Variants in GPHN observed in about 807,000 individuals in gnomAD.
The protein encoded by GPHN is gephyrin.
Under a neutral mutation model 95.5 loss-of-function variants are expected in GPHN, and 17 were observed. The observed-to-expected ratio is 0.18, with a 90% confidence interval of 0.12 to 0.27. The LOEUF (loss-of-function observed/expected upper bound fraction) is 0.27. GPHN is among the 10% of genes least tolerant of loss of function. GPHN has a pLI of 1.00. For missense variants in GPHN, 660 were observed against 978.1 expected, an observed-to-expected ratio of 0.67 and a Z score of 4.34; for synonymous variants, 320 against 322.5, an observed-to-expected ratio of 0.99 and a Z score of 0.08.
chr14:67,186,607 C>T (rs138253891), downstream of GPHN, among the ~76,000 whole-genome samples: 516 of 152,220 alleles, frequency 3.4e-3, 2 homozygotes, highest in African/African-American at 0.012. Context: ...GACGAGAGGG[C>T]GCTGCCCAGT....
chr14:67,208,561 A>C, the GPHN span: 2 of 1,135,090 alleles, frequency 1.8e-6, no homozygotes, highest in Non-Finnish European at 2.5e-6. Context: ...TCTCAGAGAC[A>C]GATGTAGTGT....
intron 9 of GPHN, among the ~76,000 whole-genome samples, chr14:67,001,858 T>C (rs1263440886): frequency 6.6e-6 from 1 of 151,706 alleles, no homozygotes; most frequent in Non-Finnish European, 1.5e-5. Context: ...CCAATCCTAG[T>C]GTAATTTTTA....
At chr14:67,379,573 A>G in the GPHN span, among the ~76,000 whole-genome samples, 4 of 152,084 alleles carry the variant, frequency 2.6e-5, no homozygotes, top group Non-Finnish European at 5.9e-5. Flanking sequence ...TTTATTCCCA[A>G]TAAGACCCCT....
chr14:67,332,955 G>A, the GPHN span: 7 of 1,601,896 alleles, frequency 4.4e-6, no homozygotes, highest in Non-Finnish European at 6.0e-6. Context: ...TGGCTGAGGT[G>A]AAAGAAACAT....
intron 9 of GPHN, among the ~76,000 whole-genome samples, chr14:66,988,083 T>C (rs2071144506): frequency 1.3e-5 from 2 of 151,920 alleles, no homozygotes; most frequent in African/African-American, 4.8e-5. Flanking sequence ...TGGTTTGTCC[T>C]CTCATCTCCA....
intron 12 of GPHN, among the ~76,000 whole-genome samples, chr14:67,100,139 T>C (rs2077616507): frequency 6.6e-6 from 1 of 152,222 alleles, no homozygotes; most frequent in South Asian, 2.1e-4. Context: ...GTACTGCCTA[T>C]GTATTCTAAC....
intron 3 of GPHN, among the ~76,000 whole-genome samples, chr14:66,815,507 A>C (rs1171188974): frequency 6.6e-6 from 1 of 152,204 alleles, no homozygotes; most frequent in Non-Finnish European, 1.5e-5. Context: ...CTGGGGCCCA[A>C]TATTCAGTAT....
At chr14:66,882,763 T>C (rs2063989775) in intron 5 of GPHN, among the ~76,000 whole-genome samples, 1 of 151,698 alleles carries the variant, frequency 6.6e-6, no homozygotes, top group Non-Finnish European at 1.5e-5. Context: ...GTAGCTTTTC[T>C]TCATTAGGAA....
chr14:67,401,145 G>A, the GPHN span, among the ~76,000 whole-genome samples: 1 of 152,042 alleles, frequency 6.6e-6, no homozygotes, highest in East Asian at 1.9e-4. Flanking sequence ...ATTAAAATGG[G>A]GTCATTAGGA....
intron 1 of GPHN, among the ~76,000 whole-genome samples, chr14:66,545,153 G>A (rs1169536206): frequency 3.9e-5 from 6 of 151,960 alleles, no homozygotes; most frequent in Non-Finnish European, 8.8e-5. Flanking sequence ...CAGTAGGGGC[G>A]GCCGGGCAGA....
chr14:67,449,648 C>T, the GPHN span, among the ~76,000 whole-genome samples: 1 of 152,176 alleles, frequency 6.6e-6, no homozygotes. Flanking sequence ...TATGGTTTGG[C>T]TCTGTGTTCC....
chr14:66,581,793 A>C lies in GPHN; in HGVS notation c.64+73202A>C, dbSNP rs538249685. Among the ~76,000 whole-genome samples, 19 of 152,132 alleles carry C rather than the reference A, an allele frequency of 1.2e-4. No individual in the cohort carries two copies. The South Asian group carries it at 3.9e-3, about 32-fold the overall frequency. ...ATTTAAATAAAAATTATAAAAAGAG[A>C]CACAGAAAAGGTCATATAATGTAAA... On this transcript the variant is annotated intron_variant, in intron 1 of 22. Transcript: ENST00000478722.
At chr14:66,965,647 C>G (rs2069272403) in intron 9 of GPHN, among the ~76,000 whole-genome samples, 1 of 151,914 alleles carries the variant, frequency 6.6e-6, no homozygotes. Flanking sequence ...TTTGTTTATG[C>G]CGAGGATAAA....
At chr14:66,574,130 A>G (rs1478361609) in intron 1 of GPHN, among the ~76,000 whole-genome samples, 1 of 152,104 alleles carries the variant, frequency 6.6e-6, no homozygotes, top group Non-Finnish European at 1.5e-5. Context: ...TTTCTGTAGT[A>G]GTATGCTTTG....
At chr14:66,899,504 T>C (rs2065026541) in intron 5 of GPHN, among the ~76,000 whole-genome samples, 1 of 151,988 alleles carries the variant, frequency 6.6e-6, no homozygotes, top group South Asian at 2.1e-4. Context: ...GTGAATTTCC[T>C]GTGTTAATTG....
the GPHN span, among the ~76,000 whole-genome samples, chr14:67,275,128 T>C: frequency 6.6e-6 from 1 of 152,224 alleles, no homozygotes; most frequent in African/African-American, 2.4e-5. Flanking sequence ...TCCTGCCCGA[T>C]TGCCTTGGCC....
At chr14:67,327,975 T>G in the GPHN span, among the ~76,000 whole-genome samples, 4 of 152,346 alleles carry the variant, frequency 2.6e-5, no homozygotes, top group South Asian at 8.3e-4. Context: ...CAGCATGATT[T>G]ATAATCCTTT....
intron 1 of GPHN, among the ~76,000 whole-genome samples, chr14:66,543,116 G>C (rs951692734): frequency 3.3e-5 from 5 of 152,096 alleles, no homozygotes; most frequent in African/African-American, 1.2e-4. Context: ...AGTACCAAGG[G>C]GGGTTGGTGC....
intron 5 of GPHN, among the ~76,000 whole-genome samples, chr14:66,907,416 T>C (rs893402364): frequency 2.6e-5 from 4 of 152,152 alleles, no homozygotes; most frequent in Admixed American, 2.6e-4. Context: ...GCCCAGAGTT[T>C]TTGAAAAGAA....
Sources: allele counts gnomAD v4.1 joint callset (sites outside exome capture counted in the v4.1 genomes callset), GRCh38; gene constraint gnomAD v4.1.1; transcripts MANE v1.5; gene names NCBI Gene and HGNC (gene_info 2026-07-23, HGNC 2026-07-21).